RSPH9: variants seen among roughly 807,000 people sequenced by gnomAD.
RSPH9 encodes radial spoke head component 9.
A neutral mutation model predicts 27.0 loss-of-function variants in RSPH9; 27 were observed. The ratio of observed to expected loss-of-function variants is 1.00; its 90% CI spans 0.74 to 1.38. The LOEUF is 1.38. Ranked by LOEUF, RSPH9 falls within the 40% of genes most tolerant of loss-of-function variation. RSPH9 has a pLI of 0.00. For synonymous variants in RSPH9, 145 were observed against 147.7 expected (o/e 0.98, Z 0.13); for missense variants, 347 against 357.4 (o/e 0.97, Z 0.24).
rs573825789 is a variant in RSPH9, at chr6:43,667,889, G to A, written c.671-2900G>A. Among the ~76,000 whole-genome samples the A allele has an allele frequency of 8.5e-5, 13 of 152,226 alleles. No individual in the cohort carries two copies. In the South Asian group the frequency reaches 1.2e-3, roughly 15 times the overall value. On this transcript the variant is annotated intron_variant, in intron 4 of 4. Transcript: ENST00000372163. ...TCCCCAGCCTGGCCTACTGTCCCTC[G>A]ATCTTAATCCCAGAGCTGCCTTTCT... is the stretch of plus-strand genomic sequence containing the variant.
chr6:43,663,269 A>G (rs1278628954), intron 4 of RSPH9, among the ~76,000 whole-genome samples: 1 of 151,856 alleles, frequency 6.6e-6, no homozygotes, highest in Non-Finnish European at 1.5e-5. Flanking sequence ...CCCAGGCTGG[A>G]GTGCAATGGC....
intron 2 of RSPH9, among the ~76,000 whole-genome samples, chr6:43,652,753 T>C (rs1771618696): frequency 6.9e-6 from 1 of 144,974 alleles, no homozygotes; most frequent in Non-Finnish European, 1.5e-5. Flanking sequence ...TTTTTCACCA[T>C]TGTGGGAATG....
rs757367527 is a variant in RSPH9, at chr6:43,671,823, C to T, written c.*874C>T. 2.5e-6 allele frequency: 4 copies of T among 1,614,056 alleles called. No individual in the cohort carries two copies. In the African/African-American group the frequency reaches 5.3e-5, roughly 22 times the overall value. ...GACATTGTCCCTCAGAAGGGGTGAC[C>T]CCACGGGCATGCGCACCCTGTTCCA... On this transcript the variant is annotated 3_prime_UTR_variant, in exon 5 of 5. Transcript: ENST00000372163.
chr6:43,669,160 G>A (rs1229847222), intron 4 of RSPH9, among the ~76,000 whole-genome samples: 1 of 152,192 alleles, frequency 6.6e-6, no homozygotes, highest in Non-Finnish European at 1.5e-5. Context: ...TAACACAGGG[G>A]CACTACTTTC....
intron 1 of RSPH9, among the ~76,000 whole-genome samples, chr6:43,648,706 G>T (rs1224656894): frequency 6.6e-6 from 1 of 152,214 alleles, no homozygotes; most frequent in Non-Finnish European, 1.5e-5. Flanking sequence ...CTAGTTAGGA[G>T]TCGATGGCAA....
At position 43,654,403 on chromosome 6, in the gene RSPH9, T is replaced by C. The variant is rs537974901; in HGVS notation, c.394-1159T>C. ...TCTAATTTTGCTTTAAATATATGCA[T>C]AGAGGGCTGGGTGCTGTGGCTCACC... On this transcript the variant is annotated intron_variant, in intron 2 of 4. Coordinates refer to ENST00000372163, the MANE Select transcript of RSPH9 (RefSeq NM_152732.5). 8.5e-5 allele frequency among the ~76,000 whole-genome samples: 13 copies of C among 152,296 alleles called. No individual in the cohort carries two copies. The South Asian group carries it at 2.7e-3, about 32-fold the overall frequency.
At position 43,671,601 on chromosome 6, in the gene RSPH9, G is replaced by A; in HGVS notation, c.*652G>A. The A allele has an allele frequency of 2.5e-6, 2 of 792,760 alleles. No individual in the cohort carries two copies. Among genetic ancestry groups the A allele is most frequent in the Non-Finnish European group, 2.0e-6 (1 of 495,650 alleles). 49.1% of individuals were successfully genotyped at this position (792,760 alleles called of 1,614,324 possible). A position where few individuals can be genotyped will look rare whatever the true frequency, so the allele number is the denominator to read the frequency against. ...CAGCATTGCTACTGTGCAGGCCAAG[G>A]GTACTGAAGTTAGTCCCACTGTCCC... On this transcript the variant is annotated 3_prime_UTR_variant, in exon 5 of 5. Coordinates refer to ENST00000372163, the MANE Select transcript of RSPH9 (RefSeq NM_152732.5).
At chr6:43,669,094 T>G (rs939502237) in intron 4 of RSPH9, among the ~76,000 whole-genome samples, 1 of 152,154 alleles carries the variant, frequency 6.6e-6, no homozygotes, top group African/African-American at 2.4e-5. Flanking sequence ...GAGAAAAGTT[T>G]TAAGAGTCAG....
chr6:43,667,296 C>T (rs1053701366), intron 4 of RSPH9, among the ~76,000 whole-genome samples: 10 of 152,214 alleles, frequency 6.6e-5, no homozygotes, highest in African/African-American at 2.4e-4. Flanking sequence ...GGCCACTGCT[C>T]CTCTCCTTGC....
At position 43,655,578 on chromosome 6, in the gene RSPH9, A is replaced by T; in HGVS notation, c.410A>T (p.Glu137Val). ...TCTCCTCAGGTCCAGATCAAGGAAG[A>T]GACCCGCTTGGTGTCTGTCATTGAC... Reference protein sequence around the residue: ...EEEIVVQIKEETRLVSVIDQI... With the variant: ...EEEIVVQIKEVTRLVSVIDQI... Residue 137 changes from glutamate to valine, a missense_variant, in exon 3 of 5, where the codon GAG (glutamate) becomes GTG (valine). Glu to Val is a moderately radical substitution (Grantham distance 121). Transcript: ENST00000372163. 2 of 1,614,064 alleles carry T rather than the reference A, an allele frequency of 1.2e-6. No individual in the cohort carries two copies. The highest frequency in any genetic ancestry group is 1.7e-6 in the Non-Finnish European group (2 of 1,179,992).
intron 4 of RSPH9, among the ~76,000 whole-genome samples, chr6:43,657,837 G>C (rs1223987800): frequency 6.6e-6 from 1 of 152,176 alleles, no homozygotes; most frequent in Non-Finnish European, 1.5e-5. Context: ...GAATTAAATG[G>C]ACTACTCCTA....
At chr6:43,656,939 G>A (rs970089657) in intron 4 of RSPH9, among the ~76,000 whole-genome samples, 1 of 152,174 alleles carries the variant, frequency 6.6e-6, no homozygotes, top group Admixed American at 6.5e-5. Context: ...TTTTCCATAT[G>A]CTTTCACAGA....
At chr6:43,670,195 C>T (rs1773566339) in intron 4 of RSPH9, among the ~76,000 whole-genome samples, 1 of 152,222 alleles carries the variant, frequency 6.6e-6, no homozygotes, top group African/African-American at 2.4e-5. Context: ...CAGCCTCCTC[C>T]CCCACTCAAC....
chr6:43,647,356 G>A (rs1311303093), intron 1 of RSPH9, among the ~76,000 whole-genome samples: 6 of 152,156 alleles, frequency 3.9e-5, no homozygotes, highest in Non-Finnish European at 5.9e-5. Context: ...AGCCTGCTCC[G>A]ATCAGAGTGG....
At chr6:43,667,657 C>T (rs553463636) in intron 4 of RSPH9, among the ~76,000 whole-genome samples, 1 of 152,206 alleles carries the variant, frequency 6.6e-6, no homozygotes, top group East Asian at 1.9e-4. Context: ...CGATTTGATA[C>T]GGGTCTGGCA....
rs927379609 is a variant in RSPH9 at position 43,649,908 on chromosome 6, G to C, written c.228-467G>C. On this transcript the variant is annotated intron_variant, in intron 1 of 4. Coordinates refer to ENST00000372163, the MANE Select transcript of RSPH9 (RefSeq NM_152732.5). ...ATTGAATCTGTTTATTACATATGAG[G>C]AGTGGGTTCACCATTGGCACTTGGG... Among the ~76,000 whole-genome samples, 16 of 152,204 alleles carry C rather than the reference G, an allele frequency of 1.1e-4. No individual in the cohort carries two copies. In the East Asian group the frequency reaches 2.9e-3, roughly 28 times the overall value.
intron 4 of RSPH9, among the ~76,000 whole-genome samples, chr6:43,664,458 G>A (rs1772940634): frequency 6.6e-6 from 1 of 152,196 alleles, no homozygotes; most frequent in Admixed American, 6.5e-5. Context: ...GCCTAGGAGG[G>A]CCTAGAAGGC....
intron 4 of RSPH9, 33 bp from the exon 5 acceptor site, chr6:43,670,756 A>G: frequency 6.2e-7 from 1 of 1,600,374 alleles, no homozygotes; most frequent in South Asian, 1.1e-5. Context: ...CTCCAGCAGC[A>G]CCAGGCCTCA....
At chr6:43,657,698 G>A (rs1158466412) in intron 4 of RSPH9, among the ~76,000 whole-genome samples, 1 of 152,170 alleles carries the variant, frequency 6.6e-6, no homozygotes, top group Non-Finnish European at 1.5e-5. Flanking sequence ...CAGACAGGCT[G>A]GGTTGGAATC....
Sources: allele counts gnomAD v4.1 joint callset (sites outside exome capture counted in the v4.1 genomes callset), GRCh38; gene constraint gnomAD v4.1.1; transcripts MANE v1.5; gene names NCBI Gene and HGNC (gene_info 2026-07-23, HGNC 2026-07-21).